Variants in CCDC39 observed in about 807,000 individuals in gnomAD.
CCDC39 encodes coiled-coil domain-containing protein 39.
A neutral mutation model predicts 121.0 loss-of-function variants in CCDC39; 113 were observed. The ratio of observed to expected loss-of-function variants is 0.93; its 90% CI spans 0.80 to 1.09. CCDC39 has a LOEUF of 1.09. Among genes scored for constraint, CCDC39 ranks in the 50% least tolerant of loss-of-function variants. The pLI is 0.00. For missense variants in CCDC39, 1,063 were observed against 1,074.7 expected, an observed-to-expected ratio of 0.99 and a Z score of 0.15; for synonymous variants, 349 against 352.2, an observed-to-expected ratio of 0.99 and a Z score of 0.10.
intron 9 of CCDC39, among the ~76,000 whole-genome samples, chr3:180,650,935 C>A (rs577064765): frequency 6.7e-6 from 1 of 150,366 alleles, no homozygotes; most frequent in Non-Finnish European, 1.5e-5. Context: ...GGAGGCTGGC[C>A]GGCACAGTGG....
intron 1 of CCDC39, among the ~76,000 whole-genome samples, chr3:180,668,986 T>C (rs943200493): frequency 6.6e-6 from 1 of 152,244 alleles, no homozygotes; most frequent in African/African-American, 2.4e-5. Context: ...TTTCTTCTCA[T>C]ACTTATATAA....
intron 6 of CCDC39, among the ~76,000 whole-genome samples, chr3:180,659,025 G>C (rs1711663201): frequency 6.6e-6 from 1 of 152,154 alleles, no homozygotes; most frequent in South Asian, 2.1e-4. Flanking sequence ...AGCTTCAAAA[G>C]TGAAACTTTA....
chr3:180,638,088 T>G (rs1269255679), intron 13 of CCDC39, among the ~76,000 whole-genome samples: 1 of 152,028 alleles, frequency 6.6e-6, no homozygotes, highest in Non-Finnish European at 1.5e-5. Context: ...TAAAAAAATT[T>G]TTAAAACTGA....
chr3:180,662,706 G>A (rs1041225553), intron 2 of CCDC39, among the ~76,000 whole-genome samples: 1 of 152,104 alleles, frequency 6.6e-6, no homozygotes, highest in Non-Finnish European at 1.5e-5. Flanking sequence ...GAAAAGTGTT[G>A]TTCCAAATAG....
chr3:180,622,489 A>G (rs1051289369), intron 14 of CCDC39, among the ~76,000 whole-genome samples: 12 of 152,046 alleles, frequency 7.9e-5, no homozygotes, highest in Non-Finnish European at 1.5e-4. Flanking sequence ...GTCTTGTTCT[A>G]ATTCTTACGG....
chr3:180,673,312 G>A (rs959642812), intron 1 of CCDC39, among the ~76,000 whole-genome samples: 4 of 152,144 alleles, frequency 2.6e-5, no homozygotes, highest in African/African-American at 9.7e-5. Context: ...TTTCATGAAA[G>A]GAAGAATCTG....
At chr3:180,650,775 T>C (rs1308323185) in intron 9 of CCDC39, among the ~76,000 whole-genome samples, 1 of 151,746 alleles carries the variant, frequency 6.6e-6, no homozygotes, top group Non-Finnish European at 1.5e-5. Flanking sequence ...GAGAATCACT[T>C]GAACCTGTGA....
At chr3:180,621,785 T>C (rs1202360256) in intron 14 of CCDC39, among the ~76,000 whole-genome samples, 1 of 152,092 alleles carries the variant, frequency 6.6e-6, no homozygotes, top group African/African-American at 2.4e-5. Context: ...CCATTGATCT[T>C]TGTGTCTCAT....
chr3:180,660,464 G>T, intron 4 of CCDC39, 106 bp downstream of exon 4: 1 of 1,011,882 alleles, frequency 9.9e-7, no homozygotes, highest in Non-Finnish European at 1.4e-6. Context: ...TGACTCAGAA[G>T]TTTAAGAATT....
intron 7 of CCDC39, 117 bp downstream of exon 7, chr3:180,654,645 G>GAA (rs79988820): frequency 0.011 from 4,924 of 443,420 alleles, 2 homozygotes; most frequent in Non-Finnish European, 0.013. Context: ...AAAGAAAAAG[G>GAA]AAAAAAAAAA....
chr3:180,644,100 T>G lies in CCDC39; in HGVS notation c.1665+20A>C, dbSNP rs1438064711. On this transcript the variant is annotated intron_variant, in intron 12 of 19. Transcript: ENST00000476379. ...GAAACATGGTTTTCAATACTACATA[T>G]GCATACAATTTTACTGCACCTGCTT... The G allele has an allele frequency of 6.6e-7, 1 of 1,516,144 alleles. No individual in the cohort carries two copies. The highest frequency in any genetic ancestry group is 1.3e-5 in the South Asian group (1 of 78,256). The allele number at this position is 1,516,144 out of a possible 1,614,324, so 93.9% of individuals were successfully genotyped here. A position where few individuals can be genotyped will look rare whatever the true frequency, so the allele number is the denominator to read the frequency against.
At chr3:180,639,625 G>A (rs778462280) in intron 13 of CCDC39, among the ~76,000 whole-genome samples, 2 of 152,020 alleles carry the variant, frequency 1.3e-5, no homozygotes, top group Non-Finnish European at 2.9e-5. Flanking sequence ...GGGGACTTGT[G>A]GGGGGTGGAG....
intron 4 of CCDC39, 136 bp downstream of exon 4, chr3:180,660,434 T>A: frequency 1.5e-6 from 1 of 676,224 alleles, no homozygotes; most frequent in Middle Eastern, 4.0e-4. Context: ...TTGGCTTTAT[T>A]AGCTTCTCCA....
intron 11 of CCDC39, among the ~76,000 whole-genome samples, chr3:180,646,266 T>C (rs1718064597): frequency 6.6e-6 from 1 of 151,982 alleles, no homozygotes; most frequent in Non-Finnish European, 1.5e-5. Context: ...AACCAAAATT[T>C]TGTCTTCTTA....
At chr3:180,660,831 A>G (rs1711725714) in intron 3 of CCDC39, 103 bp from the exon 4 acceptor site, 1 of 983,298 alleles carries the variant, frequency 1.0e-6, no homozygotes, top group Non-Finnish European at 1.4e-6. Context: ...AAAATTAAAA[A>G]TGAGGAAATC....
chr3:180,673,456 T>C (rs564699647), intron 1 of CCDC39, among the ~76,000 whole-genome samples: 5 of 152,330 alleles, frequency 3.3e-5, no homozygotes, highest in African/African-American at 1.2e-4. Flanking sequence ...TGGTTACAAC[T>C]CACTGAAGGC....
chr3:180,633,992 T>C (rs1341609195), intron 13 of CCDC39, among the ~76,000 whole-genome samples: 2 of 152,156 alleles, frequency 1.3e-5, no homozygotes, highest in Admixed American at 6.5e-5. Context: ...CTATCCCTGC[T>C]GCCCTTGATT....
intron 3 of CCDC39, among the ~76,000 whole-genome samples, chr3:180,660,952 T>C (rs958902243): frequency 6.6e-6 from 1 of 152,076 alleles, no homozygotes; most frequent in Non-Finnish European, 1.5e-5. Context: ...GAGATGACTA[T>C]ACAAAGTCAA....
Position 180,663,977 on chromosome 3 carries a change from G to C in CCDC39, c.100C>G (p.Leu34Val). 1 of 1,610,890 alleles carries C rather than the reference G, an allele frequency of 6.2e-7. No individual in the cohort carries two copies. The highest frequency in any genetic ancestry group is 8.5e-7 in the Non-Finnish European group (1 of 1,178,996). ...NKLLEDQLSKLKDERASLQDE... is the reference protein window; with the variant it reads ...NKLLEDQLSKVKDERASLQDE... The stretch of plus-strand genomic sequence containing the variant: ...TGCAAGCTTGCTCTTTCATCCTTCA[G>C]CTTTGACAACTGTAAATAATAAATA... The change falls in exon 2 of 20, where the codon CTG becomes GTG. Residue 34 changes from leucine to valine, a missense_variant. By Grantham distance (32) the Leu-to-Val change is conservative. Coordinates refer to ENST00000476379, the MANE Select transcript of CCDC39 (RefSeq NM_181426.2).
Sources: allele counts gnomAD v4.1 joint callset (sites outside exome capture counted in the v4.1 genomes callset), GRCh38; gene constraint gnomAD v4.1.1; transcripts MANE v1.5; gene names NCBI Gene and HGNC (gene_info 2026-07-23, HGNC 2026-07-21).